JPH1: variants seen among roughly 807,000 people sequenced by gnomAD.
The protein encoded by JPH1 is junctophilin 1.
JPH1 carries 12 observed loss-of-function variants against 53.6 expected under a neutral mutation model. That is an observed-to-expected ratio of 0.22 (90% CI 0.14 to 0.36). The LOEUF (loss-of-function observed/expected upper bound fraction) is 0.36. JPH1 is among the 10% of genes least tolerant of loss of function. The pLI is 1.00. For synonymous variants in JPH1, 375 were observed against 363.8 expected (o/e 1.03, Z -0.35); for missense variants, 808 against 905.5 (o/e 0.89, Z 1.38).
At chr8:74,266,465 A>G (rs1330602806) in intron 2 of JPH1, among the ~76,000 whole-genome samples, 1 of 152,216 alleles carries the variant, frequency 6.6e-6, no homozygotes, top group Non-Finnish European at 1.5e-5. Flanking sequence ...CAAAAAGACA[A>G]ATATTACACG....
chr8:74,298,677 T>C (rs1403181189), intron 2 of JPH1, among the ~76,000 whole-genome samples: 1 of 152,192 alleles, frequency 6.6e-6, no homozygotes, highest in African/African-American at 2.4e-5. Flanking sequence ...GTAAGACTTT[T>C]CAAAAGAGGA....
intron 3 of JPH1, among the ~76,000 whole-genome samples, chr8:74,246,120 C>T (rs1314677022): frequency 3.3e-5 from 5 of 152,098 alleles, no homozygotes; most frequent in Non-Finnish European, 7.4e-5. Flanking sequence ...ACTTTGGCTA[C>T]CACTCCACCC....
chr8:74,315,255 T>C lies in JPH1; in HGVS notation c.745A>G (p.Ser249Gly). The C allele has an allele frequency of 1.9e-6, 3 of 1,614,210 alleles. No individual in the cohort carries two copies. Among genetic ancestry groups the C allele is most frequent in the Non-Finnish European group, 1.7e-6 (2 of 1,180,046 alleles). Residue 249 changes from serine to glycine, a missense_variant, in exon 2 of 6, where the codon AGT becomes GGT. By Grantham distance (56) the Ser-to-Gly change is moderately conservative (BLOSUM62 0). Coordinates refer to ENST00000342232, the MANE Select transcript of JPH1 (RefSeq NM_020647.4). This position sits in a 1 kb window ranked among gnomAD's most constrained non-coding sequence, Gnocchi z 6.3. ...ATCGTGGAGTTGGCATCGCTGGAAC[T>C]AATTCTGCTCATGGCCGCGTCGCTG... Reference protein sequence around the residue: ...VRSDAAMSRISSSDANSTISF... With the variant: ...VRSDAAMSRIGSSDANSTISF...
chr8:74,317,816 A>G (rs1247400053), intron 1 of JPH1, among the ~76,000 whole-genome samples: 12 of 152,220 alleles, frequency 7.9e-5, no homozygotes, highest in Admixed American at 7.2e-4. Context: ...TAGTTTCTTT[A>G]AACTGTTATC....
At chr8:74,275,931 T>C (rs1304183012) in intron 2 of JPH1, among the ~76,000 whole-genome samples, 1 of 152,170 alleles carries the variant, frequency 6.6e-6, no homozygotes, top group African/African-American at 2.4e-5. Context: ...AAGTGGTTAT[T>C]ATTGAGCTTT....
chr8:74,245,834 A>T (rs1301260169), intron 3 of JPH1, among the ~76,000 whole-genome samples: 3 of 151,814 alleles, frequency 2.0e-5, no homozygotes, highest in Admixed American at 6.6e-5. Flanking sequence ...GATTGTTTAT[A>T]AAAATCTTGT....
chr8:74,284,266 T>G (rs947118311), intron 2 of JPH1, among the ~76,000 whole-genome samples: 1 of 152,248 alleles, frequency 6.6e-6, no homozygotes, highest in Admixed American at 6.5e-5. Flanking sequence ...CTTATTCAAA[T>G]TTTTATAAAA....
chr8:74,261,062 A>G (rs780107969), intron 2 of JPH1, among the ~76,000 whole-genome samples: 122 of 152,200 alleles, frequency 8.0e-4, no homozygotes, highest in Non-Finnish European at 2.1e-4. Flanking sequence ...AGAGACAGTA[A>G]AAAGATTCAG....
At chr8:74,292,589 T>C (rs951803444) in intron 2 of JPH1, among the ~76,000 whole-genome samples, 1 of 152,118 alleles carries the variant, frequency 6.6e-6, no homozygotes, top group African/African-American at 2.4e-5. Flanking sequence ...CAGACACACT[T>C]ACAAACGGGT....
intron 2 of JPH1, among the ~76,000 whole-genome samples, chr8:74,280,827 C>T (rs16938848): frequency 0.15 from 23,503 of 152,154 alleles, 2,304 homozygotes; most frequent in East Asian, 0.27. Context: ...CTTGCAATTA[C>T]GGAGCATCTA....
At chr8:74,300,450 A>T (rs1807645929) in intron 2 of JPH1, among the ~76,000 whole-genome samples, 1 of 152,132 alleles carries the variant, frequency 6.6e-6, no homozygotes, top group Admixed American at 6.5e-5. Context: ...TCCTCCATTC[A>T]CATCTAGCAC....
chr8:74,273,352 G>A (rs995721558), intron 2 of JPH1, among the ~76,000 whole-genome samples: 1 of 151,914 alleles, frequency 6.6e-6, no homozygotes, highest in Non-Finnish European at 1.5e-5. Context: ...AAAGTTTTTT[G>A]TTTTCATTTG....
intron 2 of JPH1, among the ~76,000 whole-genome samples, chr8:74,284,191 A>C (rs1807095596): frequency 6.6e-6 from 1 of 152,242 alleles, no homozygotes; most frequent in Non-Finnish European, 1.5e-5. Flanking sequence ...TTACATGCAT[A>C]ACACATTTTT....
At chr8:74,243,524 T>C (rs1563391926) in intron 4 of JPH1, among the ~76,000 whole-genome samples, 1 of 152,364 alleles carries the variant, frequency 6.6e-6, no homozygotes, top group East Asian at 1.9e-4. Context: ...ATCCTGTGAG[T>C]AAATCAAACA....
chr8:74,241,941 GAC>G (rs1176484731), intron 4 of JPH1, among the ~76,000 whole-genome samples: 1 of 152,088 alleles, frequency 6.6e-6, no homozygotes, highest in East Asian at 1.9e-4. Flanking sequence ...TGCCTCTTCT[GAC>G]CCTACCAGAG....
At chr8:74,243,668 G>C (rs1370894308) in intron 4 of JPH1, among the ~76,000 whole-genome samples, 1 of 152,082 alleles carries the variant, frequency 6.6e-6, no homozygotes, top group Non-Finnish European at 1.5e-5. Flanking sequence ...TGTTCTAAAG[G>C]GATGTGATCA....
At chr8:74,265,200 G>A (rs1017098068) in intron 2 of JPH1, among the ~76,000 whole-genome samples, 3 of 152,138 alleles carry the variant, frequency 2.0e-5, no homozygotes, top group African/African-American at 4.8e-5. Context: ...CTAGCCCCCT[G>A]CAGTGTGTTC....
At chr8:74,274,299 G>C (rs186066113) in intron 2 of JPH1, among the ~76,000 whole-genome samples, 1 of 152,156 alleles carries the variant, frequency 6.6e-6, no homozygotes, top group Non-Finnish European at 1.5e-5. Flanking sequence ...ATTGAGAAAC[G>C]TGAACAATAA....
chr8:74,235,528 T>C lies in JPH1; in HGVS notation c.*1523A>G, dbSNP rs1365626802. The C allele has an allele frequency of 6.6e-6, 1 of 152,440 alleles. No individual in the cohort carries two copies. The allele number at this position is 152,440 out of a possible 1,614,324, so 9.4% of individuals were successfully genotyped here. A position where few individuals can be genotyped will look rare whatever the true frequency, so the allele number is the denominator to read the frequency against. On this transcript the variant is annotated 3_prime_UTR_variant, in exon 6 of 6. Coordinates refer to ENST00000342232, the MANE Select transcript of JPH1 (RefSeq NM_020647.4). ...AAAAAAAAAAAATCTGATTAAACCA[T>C]GCAAATCATGAAAATATTTAGGAGT...
Sources: allele counts gnomAD v4.1 joint callset (sites outside exome capture counted in the v4.1 genomes callset), GRCh38; gene constraint gnomAD v4.1.1; non-coding constraint Gnocchi (gnomAD v3.1); transcripts MANE v1.5; gene names NCBI Gene and HGNC (gene_info 2026-07-23, HGNC 2026-07-21).